CHAC1: variants seen among roughly 807,000 people sequenced by gnomAD.
CHAC1 encodes the protein glutathione-specific gamma-glutamylcyclotransferase 1.
Under a neutral mutation model 22.1 loss-of-function variants are expected in CHAC1, and 22 were observed. That is an observed-to-expected ratio of 1.00 (90% CI 0.71 to 1.42). The LOEUF (loss-of-function observed/expected upper bound fraction) is 1.42. Ranked by LOEUF, CHAC1 falls within the 40% of genes most tolerant of loss-of-function variation. The pLI is 0.00. For missense variants in CHAC1, 272 were observed against 299.2 expected (o/e 0.91, Z 0.67); for synonymous variants, 145 against 128.7 (o/e 1.13, Z -0.86).
chr15:40,953,870 G>T (rs765977426), intron 1 of CHAC1, 56 bp downstream of exon 1: 88 of 1,367,634 alleles, frequency 6.4e-5, no homozygotes, highest in Non-Finnish European at 8.3e-5. Context: ...GATACTGGGC[G>T]CCAGTGCCCT....
At chr15:40,953,840 A>C in intron 1 of CHAC1, 26 bp downstream of exon 1, 1 of 1,534,064 alleles carries the variant, frequency 6.5e-7, no homozygotes, top group Non-Finnish European at 8.8e-7. Context: ...TGCCCAGGGG[A>C]GTGAGGGGGT....
At position 40,955,648 on chromosome 15, in the gene CHAC1, T is replaced by C; in HGVS notation, c.543T>C (p.Arg181=). The C allele has an allele frequency of 6.2e-7, 1 of 1,613,128 alleles. No homozygotes were observed. The highest frequency in any genetic ancestry group is 2.2e-5 in the East Asian group (1 of 44,880). Residue 181 remains arginine (R), a synonymous_variant, in exon 3 of 3, where the codon CGT becomes CGC. Transcript: ENST00000617768. ...GCCACAACCTTGAATACTTGCTGCG[T>C]CTGGCAGACTTCATGCAGCTCTGTG... ...FSGHNLEYLL[R]LADFMQLCGP...
intron 2 of CHAC1, 30 bp downstream of exon 2, chr15:40,954,293 T>G: frequency 2.5e-6 from 4 of 1,612,854 alleles, no homozygotes; most frequent in Non-Finnish European, 3.4e-6. Context: ...AGGGGAACCC[T>G]GGCCCAGTGT....
rs1275414427 is a variant in CHAC1 at position 40,953,823 on chromosome 15, C to G, written c.231+9C>G. The G allele has an allele frequency of 1.3e-6, 2 of 1,576,028 alleles. No homozygotes were observed. The highest frequency in any genetic ancestry group is 3.4e-5 in the Admixed American group (2 of 58,346). ...GGGGCAGCGACAAGATGGTGAGCAT[C>G]CAACCGTGCCCAGGGGAGTGAGGGG... is the stretch of plus-strand genomic sequence containing the variant. On this transcript the variant is annotated intron_variant, in intron 1 of 2. Coordinates refer to ENST00000617768, the MANE Select transcript of CHAC1 (RefSeq NM_024111.6).
chr15:40,954,083 C>A, intron 1 of CHAC1, 145 bp from the exon 2 acceptor site: 1 of 835,740 alleles, frequency 1.2e-6, no homozygotes, highest in Non-Finnish European at 1.9e-6. Flanking sequence ...TGCATCGCTC[C>A]CCCACCTTCC....
rs768070059 is a variant in CHAC1, at chr15:40,953,619, C to T, written c.36C>T (p.Pro12=). 6.8e-6 allele frequency: 11 copies of T among 1,610,150 alleles called. No individual in the cohort carries two copies. Among genetic ancestry groups the T allele is most frequent in the Admixed American group, 1.7e-5 (1 of 60,024 alleles). Residue 12 remains proline, a synonymous_variant, in exon 1 of 3, where the codon CCC becomes CCT. Transcript: ENST00000617768. ...AGTCTGCAGCCCCGAACACCCCGCC[C>T]ACCTCGCAGTCCCCTACGCCGTCCG... is the stretch of plus-strand genomic sequence containing the variant. ...KQESAAPNTP[P]TSQSPTPSAQ...
chr15:40,954,113 G>A (rs1893175156), intron 1 of CHAC1, 115 bp from the exon 2 acceptor site: 2 of 1,056,764 alleles, frequency 1.9e-6, no homozygotes, highest in Non-Finnish European at 2.9e-6. Context: ...ATGGGACTCA[G>A]CATGCAGAGT....
At position 40,953,727 on chromosome 15, in the gene CHAC1, C is replaced by T. The variant is rs1304523039; in HGVS notation, c.144C>T (p.Ala48=). 6.2e-7 allele frequency: 1 copy of T among 1,604,204 alleles called. No homozygotes were observed. The highest frequency in any genetic ancestry group is 2.2e-5 in the East Asian group (1 of 44,880). The change falls in exon 1 of 3, where the codon GCC becomes GCT. Residue 48 remains alanine (A), a synonymous_variant. Coordinates refer to ENST00000617768, the MANE Select transcript of CHAC1 (RefSeq NM_024111.6). ...YGSLVWRPDF[A]YSDSRVGFVR... The stretch of plus-strand genomic sequence containing the variant: ...CCCTGGTGTGGAGGCCCGACTTCGC[C>T]TACAGCGACAGCCGTGTGGGCTTCG...
intron 2 of CHAC1, among the ~76,000 whole-genome samples, chr15:40,954,587 TG>T (rs1468242059): frequency 0.03 from 4,367 of 145,700 alleles, 79 homozygotes; most frequent in East Asian, 0.054. Context: ...TTTTTTTTTT[TG>T]TTGTTGTTGT....
chr15:40,954,741 T>A (rs981932421), intron 2 of CHAC1, among the ~76,000 whole-genome samples: 1 of 151,668 alleles, frequency 6.6e-6, no homozygotes, highest in African/African-American at 2.4e-5. Flanking sequence ...GTAGCTGGGA[T>A]TACAGGCATG....
rs753234069 is a variant in CHAC1 at position 40,955,708 on chromosome 15, C to T, written c.603C>T (p.Ile201=). The T allele has an allele frequency of 1.0e-5, 16 of 1,606,690 alleles. No homozygotes were observed. Among genetic ancestry groups the T allele is most frequent in the East Asian group, 2.2e-5 (1 of 44,890 alleles). Residue 201 remains isoleucine, a synonymous_variant, in exon 3 of 3, where the codon ATC becomes ATT. Transcript: ENST00000617768. The part of the protein sequence containing the change: ...PQAQDEHLAA[I]VDAVGTMLPC... ...CGCAGGACGAGCACCTGGCAGCCAT[C>T]GTGGACGCTGTGGGCACCATGTTGC...
chr15:40,955,573 G>T lies in CHAC1; in HGVS notation c.468G>T (p.Ala156=). ...TPQNPGYLGP[A]PEEAIATQIL... is the part of the protein sequence containing the mutation. ...AGAACCCTGGTTACCTGGGCCCTGC[G>T]CCTGAAGAGGCCATTGCCACGCAGA... The change falls in exon 3 of 3, where the codon GCG becomes GCT. Residue 156 remains alanine, a synonymous_variant. Transcript: ENST00000617768. The T allele has an allele frequency of 6.2e-7, 1 of 1,614,064 alleles. No individual in the cohort carries two copies. The highest frequency in any genetic ancestry group is 8.5e-7 in the Non-Finnish European group (1 of 1,180,036).
intron 2 of CHAC1, 71 bp downstream of exon 2, chr15:40,954,334 CT>C: frequency 6.6e-7 from 1 of 1,504,598 alleles, no homozygotes; most frequent in Non-Finnish European, 9.2e-7. Context: ...AGCTCATAGG[CT>C]CTTGGCTGCA....
Position 40,953,830 on chromosome 15 carries a change from T to G in CHAC1, c.231+16T>G. On this transcript the variant is annotated intron_variant, in intron 1 of 2. Transcript: ENST00000617768. ...CGACAAGATGGTGAGCATCCAACCG[T>G]GCCCAGGGGAGTGAGGGGGTTGGGG... is the stretch of plus-strand genomic sequence containing the variant. The G allele has an allele frequency of 6.4e-7, 1 of 1,561,916 alleles. No individual in the cohort carries two copies. The highest frequency in any genetic ancestry group is 8.7e-7 in the Non-Finnish European group (1 of 1,155,726).
At position 40,956,028 on chromosome 15, in the gene CHAC1, G is replaced by T. The variant is rs113689186; in HGVS notation, c.*254G>T. 4,123 of 473,230 alleles carry T rather than the reference G, an allele frequency of 8.7e-3. 33 individuals are homozygous for T. The highest frequency in any genetic ancestry group is 0.02 in the Middle Eastern group (38 of 1,862). 29.3% of individuals were successfully genotyped at this position (473,230 alleles called of 1,614,324 possible). On this transcript the variant is annotated 3_prime_UTR_variant, in exon 3 of 3. Transcript: ENST00000617768. ...TGGAGGGCCTGCCCTGGACACAGGG[G>T]CCCTGCTGAGCAGTGGCCCCATCCT...
Position 40,955,799 on chromosome 15 carries a change from C to T in CHAC1, c.*25C>T, listed in dbSNP as rs1260047954. ...AGGGGCTGAGCCCCTGCGGGGAGTG[C>T]TCATGTGGACATCAGGGCCAGACAC... On this transcript the variant is annotated 3_prime_UTR_variant, in exon 3 of 3. Coordinates refer to ENST00000617768, the MANE Select transcript of CHAC1 (RefSeq NM_024111.6). 1.9e-6 allele frequency: 3 copies of T among 1,556,530 alleles called. No individual in the cohort carries two copies. Among genetic ancestry groups the T allele is most frequent in the African/African-American group, 1.4e-5 (1 of 73,970 alleles).
Position 40,955,827 on chromosome 15 carries a change from A to T in CHAC1, c.*53A>T. The stretch of plus-strand genomic sequence containing the variant: ...ATGTGGACATCAGGGCCAGACACCC[A>T]CTCCAGTGCACAAGACAGACTTGCG... On this transcript the variant is annotated 3_prime_UTR_variant, in exon 3 of 3. Coordinates refer to ENST00000617768, the MANE Select transcript of CHAC1 (RefSeq NM_024111.6). The T allele has an allele frequency of 6.7e-7, 1 of 1,497,054 alleles. No individual in the cohort carries two copies. The allele number at this position is 1,497,054 out of a possible 1,614,324, so 92.7% of individuals were successfully genotyped here. A position where few individuals can be genotyped will look rare whatever the true frequency, so the allele number is the denominator to read the frequency against.
At position 40,956,029 on chromosome 15, in the gene CHAC1, C is replaced by T. The variant is rs566702383; in HGVS notation, c.*255C>T. The T allele has an allele frequency of 6.3e-6, 3 of 472,578 alleles. No individual in the cohort carries two copies. Among genetic ancestry groups the T allele is most frequent in the South Asian group, 6.5e-5 (2 of 30,558 alleles). 29.3% of individuals were successfully genotyped at this position (472,578 alleles called of 1,614,324 possible). ...GGAGGGCCTGCCCTGGACACAGGGG[C>T]CCTGCTGAGCAGTGGCCCCATCCTG... On this transcript the variant is annotated 3_prime_UTR_variant, in exon 3 of 3. Transcript: ENST00000617768.
rs942841360 is a variant in CHAC1, at chr15:40,955,326, G to C, written c.268-47G>C. 2.5e-6 allele frequency: 4 copies of C among 1,598,364 alleles called. No homozygotes were observed. The Admixed American group carries it at 6.7e-5, about 27-fold the overall frequency. On this transcript the variant is annotated intron_variant, in intron 2 of 2. Coordinates refer to ENST00000617768, the MANE Select transcript of CHAC1 (RefSeq NM_024111.6). ...GCATGTTAGGATAGGAGAGGGAGCA[G>C]CAAGGAGCTGTCATGACTGACCCCG...
Sources: gnomAD v4.1 joint callset for allele counts (sites outside exome capture counted in the v4.1 genomes callset) on GRCh38, gnomAD v4.1.1 for gene constraint, MANE v1.5 for transcripts, NCBI Gene and HGNC (gene_info 2026-07-23, HGNC 2026-07-21) for gene names.